Variants in PCDH11Y observed in about 807,000 individuals in gnomAD.
The protein encoded by PCDH11Y is protocadherin 11 Y-linked.
For missense variants in PCDH11Y, 12 were observed against 224.8 expected, an observed-to-expected ratio of 0.05 and a Z score of 6.05; for synonymous variants, 9 against 83.6, an observed-to-expected ratio of 0.11 and a Z score of 4.87.
At chrY:5,459,755 G>A (rs2053301625) in intron 2 of PCDH11Y, among the ~76,000 whole-genome samples, 1 of 32,968 alleles carries the variant, frequency 3.0e-5, no homozygotes, top group Non-Finnish European at 7.6e-5. Context: ...ACTGCAATAA[G>A]GTCAGAAGAA....
intron 2 of PCDH11Y, among the ~76,000 whole-genome samples, chrY:5,312,045 C>G: frequency 3.2e-5 from 1 of 31,361 alleles, no homozygotes; most frequent in Non-Finnish European, 7.7e-5. Context: ...GGACCCTTCA[C>G]GACTGGGCTC....
intron 4 of PCDH11Y, among the ~76,000 whole-genome samples, chrY:5,655,260 T>G: frequency 1.4e-4 from 4 of 28,219 alleles, no homozygotes; most frequent in Admixed American, 1.3e-3. Flanking sequence ...AGATGTGATC[T>G]CTCTACATAT....
At chrY:5,349,572 G>T in intron 2 of PCDH11Y, among the ~76,000 whole-genome samples, 1 of 33,681 alleles carries the variant, frequency 3.0e-5, no homozygotes, top group Non-Finnish European at 7.3e-5. Flanking sequence ...TGTGTTGCAT[G>T]AATGGATGAA....
chrY:5,320,999 T>C, intron 2 of PCDH11Y, among the ~76,000 whole-genome samples: 1 of 33,031 alleles, frequency 3.0e-5, no homozygotes, highest in African/African-American at 1.2e-4. Context: ...AGTGTATGTG[T>C]ATGTGTTTGT....
At chrY:5,507,429 G>C in intron 3 of PCDH11Y, among the ~76,000 whole-genome samples, 1 of 32,673 alleles carries the variant, frequency 3.1e-5, no homozygotes, top group Non-Finnish European at 7.6e-5. Flanking sequence ...TATAGGCTTT[G>C]GGAAGGCAAC....
At chrY:5,462,985 G>A in intron 2 of PCDH11Y, among the ~76,000 whole-genome samples, 1 of 33,373 alleles carries the variant, frequency 3.0e-5, no homozygotes, top group African/African-American at 1.2e-4. Flanking sequence ...ACTGATCATA[G>A]TCAGCACTAC....
chrY:5,235,056 G>A, intron 2 of PCDH11Y, among the ~76,000 whole-genome samples: 5 of 31,966 alleles, frequency 1.6e-4, no homozygotes, highest in African/African-American at 3.7e-4. Flanking sequence ...TGACCGGTAC[G>A]TAGGTACTGT....
Position 5,297,370 on chromosome Y carries a change from C to G in PCDH11Y, c.3129+196663C>G, listed in dbSNP as rs2053076135. 9.0e-5 allele frequency among the ~76,000 whole-genome samples: 3 copies of G among 33,392 alleles called. No homozygotes were observed. The South Asian group carries it at 2.0e-3, about 22-fold the overall frequency. 89.6% of individuals were successfully genotyped at this position (33,392 alleles called of 37,273 possible). A position where few individuals can be genotyped will look rare whatever the true frequency, so the allele number is the denominator to read the frequency against. ...GGTGCAAGCACTCCCATAGCCTCAC[C>G]AGCTAGTGTCTCCTTAGGACACATG... On this transcript the variant is annotated intron_variant, in intron 2 of 4. Coordinates refer to the PCDH11Y transcript ENST00000400457.
At chrY:5,193,365 A>G (rs2052914666) in intron 2 of PCDH11Y, among the ~76,000 whole-genome samples, 1 of 33,678 alleles carries the variant, frequency 3.0e-5, no homozygotes, top group African/African-American at 1.2e-4. Flanking sequence ...TTTCAACTCC[A>G]GAAGAACTTA....
chrY:5,719,939 T>C (rs2053593208), intron 4 of PCDH11Y, among the ~76,000 whole-genome samples: 1 of 34,331 alleles, frequency 2.9e-5, no homozygotes, highest in African/African-American at 1.1e-4. Flanking sequence ...CAGTGTGACC[T>C]GGATGTGAAA....
intron 3 of PCDH11Y, among the ~76,000 whole-genome samples, chrY:5,543,322 T>C (rs2053409737): frequency 2.9e-5 from 1 of 34,294 alleles, no homozygotes; most frequent in African/African-American, 1.1e-4. Context: ...TGATTCCATT[T>C]TTGAACTTTT....
intron 2 of PCDH11Y, among the ~76,000 whole-genome samples, chrY:5,274,497 C>T: frequency 3.0e-5 from 1 of 33,032 alleles, no homozygotes; most frequent in Non-Finnish European, 7.4e-5. Flanking sequence ...GCACCCACCA[C>T]AATGCTGGGC....
At chrY:5,134,013 T>C in intron 2 of PCDH11Y, among the ~76,000 whole-genome samples, 1 of 33,260 alleles carries the variant, frequency 3.0e-5, no homozygotes, top group Non-Finnish European at 7.5e-5. Context: ...CCATTTTTTT[T>C]TGGTATTGTC....
intron 2 of PCDH11Y, among the ~76,000 whole-genome samples, chrY:5,456,977 T>C: frequency 3.1e-5 from 1 of 32,428 alleles, no homozygotes; most frequent in Non-Finnish European, 7.6e-5. Context: ...AAAATAAAAA[T>C]AGAAAAAAAT....
intron 2 of PCDH11Y, among the ~76,000 whole-genome samples, chrY:5,268,510 A>G: frequency 2.8e-4 from 9 of 32,099 alleles, no homozygotes; most frequent in Non-Finnish European, 6.1e-4. Context: ...TGAAATACTA[A>G]GTAAACTATT....
intron 2 of PCDH11Y, among the ~76,000 whole-genome samples, chrY:5,289,699 T>G: frequency 3.0e-5 from 1 of 33,629 alleles, no homozygotes; most frequent in Non-Finnish European, 7.5e-5. Context: ...GGTATGCTCC[T>G]GGGGCCTGGG....
Position 5,394,076 on chromosome Y carries a change from A to G in PCDH11Y, c.3130-106981A>G. On this transcript the variant is annotated intron_variant, in intron 2 of 4. Coordinates refer to the PCDH11Y transcript ENST00000400457. ...CATCGGTATGACAATTTTCCCTCAA[A>G]TATTCAATGTTTGTTAATAGCACCT... Among the ~76,000 whole-genome samples, 3 of 32,866 alleles carry G rather than the reference A, an allele frequency of 9.1e-5. No homozygotes were observed. The South Asian group carries it at 2.0e-3, about 22-fold the overall frequency. The allele number at this position is 32,866 out of a possible 37,273, so 88.2% of individuals were successfully genotyped here.
chrY:5,156,304 C>G, intron 2 of PCDH11Y, among the ~76,000 whole-genome samples: 1 of 32,093 alleles, frequency 3.1e-5, no homozygotes, highest in South Asian at 7.1e-4. Flanking sequence ...TAACATCTTA[C>G]AGTCATCCTA....
intron 1 of PCDH11Y, among the ~76,000 whole-genome samples, chrY:5,009,667 C>T: frequency 5.9e-5 from 2 of 33,777 alleles, no homozygotes; most frequent in African/African-American, 1.2e-4. Flanking sequence ...GTCAGGCAAA[C>T]GTAGGCAGGA....
Sources: gnomAD v4.1 joint callset for allele counts (sites outside exome capture counted in the v4.1 genomes callset) on GRCh38, gnomAD v4.1.1 for gene constraint, MANE v1.5 for transcripts, NCBI Gene and HGNC (gene_info 2026-07-23, HGNC 2026-07-21) for gene names.